Variants in ITGA9 observed in about 807,000 individuals in gnomAD.
The protein encoded by ITGA9 is integrin alpha-9.
Under a neutral mutation model 127.8 loss-of-function variants are expected in ITGA9, and 56 were observed. That is an observed-to-expected ratio of 0.44 (90% CI 0.35 to 0.55). The LOEUF is 0.55. Among genes scored for constraint, ITGA9 ranks in the 20% least tolerant of loss-of-function variants. The probability of loss-of-function intolerance (pLI) is 0.00; values close to 1 mark genes in which losing one functional copy is unlikely to be tolerated. For missense variants in ITGA9, 1,196 were observed against 1,347.1 expected (o/e 0.89, Z 1.76); for synonymous variants, 508 against 514.5 (o/e 0.99, Z 0.17).
chr3:37,711,901 C>T (rs999086163), intron 18 of ITGA9, among the ~76,000 whole-genome samples: 5 of 152,192 alleles, frequency 3.3e-5, no homozygotes, highest in Non-Finnish European at 7.3e-5. Context: ...CTGGTGGGCA[C>T]GGACGGGGTT....
intron 23 of ITGA9, among the ~76,000 whole-genome samples, chr3:37,777,099 T>A (rs1424161894): frequency 1.3e-5 from 2 of 152,216 alleles, no homozygotes; most frequent in African/African-American, 4.8e-5. Flanking sequence ...CCATGGAGTA[T>A]AAGGCTTATT....
At chr3:37,560,328 C>T (rs545225095) in intron 15 of ITGA9, among the ~76,000 whole-genome samples, 1 of 152,184 alleles carries the variant, frequency 6.6e-6, no homozygotes, top group Non-Finnish European at 1.5e-5. Flanking sequence ...ATATGTCCCG[C>T]ATTTTCTTAA....
rs1697481668 is a variant in ITGA9 at position 37,819,205 on chromosome 3, C to G, written c.*216C>G. On this transcript the variant is annotated 3_prime_UTR_variant, in exon 28 of 28. Coordinates refer to ENST00000264741, the MANE Select transcript of ITGA9 (RefSeq NM_002207.3). ...GCACCACTTCCTTTAAAGATGAACT[C>G]TGAACTTTGGAGAGTGAGCTACAGA... The G allele has an allele frequency of 1.7e-5, 10 of 599,152 alleles. No homozygotes were observed. Among genetic ancestry groups the G allele is most frequent in the Non-Finnish European group, 3.0e-5 (10 of 335,130 alleles). The allele number at this position is 599,152 out of a possible 1,614,324, so 37.1% of individuals were successfully genotyped here.
At chr3:37,538,421 A>G (rs1699232843) in intron 14 of ITGA9, among the ~76,000 whole-genome samples, 1 of 152,210 alleles carries the variant, frequency 6.6e-6, no homozygotes, top group Non-Finnish European at 1.5e-5. Flanking sequence ...CATCACCATG[A>G]CATCATTCGA....
chr3:37,474,036 A>G (rs1204649004), intron 3 of ITGA9, among the ~76,000 whole-genome samples: 1 of 152,180 alleles, frequency 6.6e-6, no homozygotes, highest in Non-Finnish European at 1.5e-5. Flanking sequence ...ATTAATCCCC[A>G]TTGTACGTAT....
chr3:37,517,431 T>G, intron 9 of ITGA9, 73 bp from the exon 10 acceptor site: 1 of 1,200,888 alleles, frequency 8.3e-7, no homozygotes, highest in Non-Finnish European at 1.2e-6. Context: ...ACTCTGGTTT[T>G]TTATTGATTT....
In ITGA9 at chr3:37,813,267, TA is replaced by T. The variant is rs763810279; in HGVS notation, c.3010-5621del. The stretch of plus-strand genomic sequence containing the variant: ...GTCAGAAATGCATTTAATACCCCAA[TA>T]AACCCATCATAAAGTCAAAAAACTG... On this transcript the variant is annotated intron_variant, in intron 27 of 27. Transcript: ENST00000264741. 4.9e-4 allele frequency among the ~76,000 whole-genome samples: 75 copies of T among 152,218 alleles called. 2 individuals carry two copies. Among genetic ancestry groups the T allele is most frequent in the Non-Finnish European group, 1.8e-4 (12 of 68,038 alleles).
chr3:37,614,510 T>G (rs1700055674), intron 15 of ITGA9, among the ~76,000 whole-genome samples: 1 of 151,552 alleles, frequency 6.6e-6, no homozygotes, highest in Non-Finnish European at 1.5e-5. Flanking sequence ...AGAAAGTCAT[T>G]GGTAGCTTGA....
chr3:37,717,176 C>T (rs1701144377), intron 18 of ITGA9, among the ~76,000 whole-genome samples: 1 of 152,200 alleles, frequency 6.6e-6, no homozygotes, highest in Non-Finnish European at 1.5e-5. Flanking sequence ...GAGGACAGGG[C>T]TATACTCACA....
chr3:37,562,716 A>T (rs541742871), intron 15 of ITGA9, among the ~76,000 whole-genome samples: 3 of 152,210 alleles, frequency 2.0e-5, no homozygotes, highest in Non-Finnish European at 4.4e-5. Context: ...TGTTTATTCC[A>T]TAGCTCTCCT....
intron 15 of ITGA9, among the ~76,000 whole-genome samples, chr3:37,621,206 CT>C (rs980274467): frequency 6.6e-6 from 1 of 152,166 alleles, no homozygotes; most frequent in Non-Finnish European, 1.5e-5. Context: ...TAAGATGTGC[CT>C]TTTGCCTTCC....
intron 17 of ITGA9, among the ~76,000 whole-genome samples, chr3:37,654,449 G>T (rs1700458620): frequency 6.6e-6 from 1 of 152,164 alleles, no homozygotes; most frequent in African/African-American, 2.4e-5. Flanking sequence ...TGAAGGTGCT[G>T]GTCCTGATCA....
At chr3:37,559,408 AG>A (rs1404893276) in intron 15 of ITGA9, among the ~76,000 whole-genome samples, 2 of 152,156 alleles carry the variant, frequency 1.3e-5, no homozygotes, top group African/African-American at 4.8e-5. Flanking sequence ...TTTACCCCAA[AG>A]GGTTGGTGTG....
intron 20 of ITGA9, among the ~76,000 whole-genome samples, chr3:37,738,156 GATCACATAATTTAC>G (rs1696387595): frequency 6.6e-6 from 1 of 152,206 alleles, no homozygotes; most frequent in Non-Finnish European, 1.5e-5. Context: ...CTATTTTCAA[GATCACATAATTTAC>G]ATCACATAAA....
At chr3:37,732,896 C>T in intron 19 of ITGA9, 98 bp downstream of exon 19, 1 of 873,132 alleles carries the variant, frequency 1.1e-6, no homozygotes. Flanking sequence ...AGTCCTCCCA[C>T]CCCCTGCCTC....
rs764240180 is a variant in ITGA9, at chr3:37,513,814, G to C, written c.949G>C (p.Gly317Arg). The C allele has an allele frequency of 6.2e-7, 1 of 1,613,812 alleles. No individual in the cohort carries two copies. The highest frequency in any genetic ancestry group is 1.3e-5 in the African/African-American group (1 of 74,886). Residue 317 changes from glycine to arginine, a missense_variant, in exon 9 of 28, where the codon GGC becomes CGC. By Grantham distance (125) the Gly-to-Arg change is moderately radical. Coordinates refer to ENST00000264741, the MANE Select transcript of ITGA9 (RefSeq NM_002207.3). ...SLCAVDLNGD[G>R]LSDLLVGAPM... is the part of the protein sequence containing the mutation. Reference sequence around the variant, plus strand: ...GTGCGCAGTTGACCTGAATGGGGACGGCCTCTCTGACCTGCTGGTGGGGGC... The same window carrying C: ...GTGCGCAGTTGACCTGAATGGGGACCGCCTCTCTGACCTGCTGGTGGGGGC...
chr3:37,532,725 AG>A (rs1181695196), intron 13 of ITGA9, among the ~76,000 whole-genome samples: 1 of 152,194 alleles, frequency 6.6e-6, no homozygotes, highest in Non-Finnish European at 1.5e-5. Flanking sequence ...AAGACTGGGC[AG>A]GTTGATTTCT....
chr3:37,662,755 C>T (rs1700550171), intron 17 of ITGA9, among the ~76,000 whole-genome samples: 1 of 152,208 alleles, frequency 6.6e-6, no homozygotes, highest in Non-Finnish European at 1.5e-5. Context: ...CTCCTGTTAG[C>T]CGTGACCTTA....
chr3:37,456,048 A>G (rs990418871), intron 1 of ITGA9, among the ~76,000 whole-genome samples: 3 of 152,056 alleles, frequency 2.0e-5, no homozygotes, highest in African/African-American at 7.3e-5. Context: ...TGCTTTTCCC[A>G]GCCCTGGTGA....
Sources: allele counts gnomAD v4.1 joint callset (sites outside exome capture counted in the v4.1 genomes callset), GRCh38; gene constraint gnomAD v4.1.1; transcripts MANE v1.5; gene names NCBI Gene and HGNC (gene_info 2026-07-23, HGNC 2026-07-21).